The following ADGRL2 variants were observed in gnomAD, a reference collection of about 807,000 sequenced individuals.
The protein encoded by ADGRL2 is calcium-independent alpha-latrotoxin receptor 2.
In ADGRL2, 44 loss-of-function variants were observed where a neutral mutation model predicts 157.4. The ratio of observed to expected loss-of-function variants is 0.28; its 90% confidence interval spans 0.22 to 0.36. The LOEUF (loss-of-function observed/expected upper bound fraction) is 0.36, where lower values mean the gene tolerates loss of function less well. Ranked by LOEUF, ADGRL2 falls within the 10% of genes least tolerant of loss-of-function variation. The probability of loss-of-function intolerance (pLI) is 1.00; values close to 1 mark genes in which losing one functional copy is unlikely to be tolerated. For missense variants in ADGRL2, 1,510 were observed against 1,768.9 expected (o/e 0.85, Z 2.63); for synonymous variants, 585 against 624.7 (o/e 0.94, Z 0.95).
At chr1:81,898,088 A>C (rs1362731938) in intron 2 of ADGRL2, among the ~76,000 whole-genome samples, 3 of 152,132 alleles carry the variant, frequency 2.0e-5, no homozygotes, top group Non-Finnish European at 2.9e-5. Context: ...CCAGCTGGAC[A>C]ACAGAGTGAG....
intron 2 of ADGRL2, among the ~76,000 whole-genome samples, chr1:81,504,568 T>G (rs1338130946): frequency 6.6e-6 from 1 of 151,750 alleles, no homozygotes; most frequent in Non-Finnish European, 1.5e-5. Context: ...AGCAAGTGAT[T>G]GGGTACCCCG....
At chr1:81,982,512 T>G (rs1661960256) in intron 19 of ADGRL2, among the ~76,000 whole-genome samples, 1 of 151,946 alleles carries the variant, frequency 6.6e-6, no homozygotes, top group South Asian at 2.1e-4. Flanking sequence ...ATGAAAAGCT[T>G]TAATCTGTAG....
At chr1:81,846,691 C>G (rs981026094) in intron 2 of ADGRL2, among the ~76,000 whole-genome samples, 1 of 151,836 alleles carries the variant, frequency 6.6e-6, no homozygotes, top group Non-Finnish European at 1.5e-5. Flanking sequence ...TTTTCCCTTA[C>G]TGATTCTTCT....
intron 2 of ADGRL2, among the ~76,000 whole-genome samples, chr1:81,792,153 C>T (rs1312366465): frequency 1.3e-5 from 2 of 152,134 alleles, no homozygotes; most frequent in Non-Finnish European, 2.9e-5. Context: ...GAATAACTGC[C>T]TTTATTATCC....
rs140090986 is a variant in ADGRL2 at position 81,351,875 on chromosome 1, G to A, written c.-302+45366G>A. Among the ~76,000 whole-genome samples, 126 of 152,298 alleles carry A rather than the reference G, an allele frequency of 8.3e-4. 2 individuals carry two copies. In the East Asian group the frequency reaches 0.01, roughly 12 times the overall value. ...AAGTCAGTTTAAAAAGATTAAGAGC[G>A]GCTCCCTTGTTCTAAAATTATACAA... On this transcript the variant is annotated intron_variant, in intron 1 of 24. Coordinates refer to the ADGRL2 transcript ENST00000370721.
chr1:81,317,626 A>C (rs12064030), intron 1 of ADGRL2, among the ~76,000 whole-genome samples: 67,600 of 152,006 alleles, frequency 0.44, 15,415 homozygotes, highest in Middle Eastern at 0.55. Flanking sequence ...CAGTATAGTA[A>C]AGAGTGTTAG....
At chr1:81,314,848 T>C (rs1659999225) in intron 1 of ADGRL2, among the ~76,000 whole-genome samples, 1 of 152,164 alleles carries the variant, frequency 6.6e-6, no homozygotes, top group Non-Finnish European at 1.5e-5. Context: ...TTGTCTGACT[T>C]TATAACATTG....
intron 20 of ADGRL2, 34 bp downstream of exon 20, chr1:81,984,745 C>G: frequency 6.2e-7 from 1 of 1,607,366 alleles, no homozygotes; most frequent in South Asian, 1.1e-5. Context: ...TTTAATTAAC[C>G]TTATTTATAG....
At chr1:81,624,248 T>C (rs1490950954) in intron 3 of ADGRL2, among the ~76,000 whole-genome samples, 1 of 152,154 alleles carries the variant, frequency 6.6e-6, no homozygotes, top group African/African-American at 2.4e-5. Context: ...GAAACTTAGG[T>C]TGGTGCAAAA....
chr1:81,989,788 C>G lies in ADGRL2; in HGVS notation c.3656-603C>G, dbSNP rs3790869. On this transcript the variant is annotated intron_variant, in intron 23 of 23. Transcript: ENST00000686636. ...CTGGTCCAGTCAGTATGAGAGATGG[C>G]TGTCTTTGTTTAACATGACTTCTTT... The G allele has an allele frequency of 4.7e-3, 7,250 of 1,535,346 alleles. 77 individuals carry two copies. The East Asian group carries it at 0.048, about 10-fold the overall frequency.
chr1:81,896,766 T>C (rs2094397111), intron 2 of ADGRL2, among the ~76,000 whole-genome samples: 1 of 152,196 alleles, frequency 6.6e-6, no homozygotes, highest in Non-Finnish European at 1.5e-5. Flanking sequence ...GTTGAAAAGC[T>C]CAGAGTCCAG....
rs188342987 is a variant in ADGRL2, at chr1:81,502,563, G to C, written c.-248+57474G>C. 2,469 of 1,614,078 alleles carry C rather than the reference G, an allele frequency of 1.5e-3. 4 individuals are homozygous for C. The highest frequency in any genetic ancestry group is 1.6e-3 in the Non-Finnish European group (1,914 of 1,179,998). The stretch of plus-strand genomic sequence containing the variant: ...TATAAGCTGGTGACCGAGAAGGGGG[G>C]CCTGGTGGAGATCATCAACAAGAAG... On this transcript the variant is annotated intron_variant, in intron 2 of 24. Coordinates refer to the ADGRL2 transcript ENST00000370721.
intron 2 of ADGRL2, among the ~76,000 whole-genome samples, chr1:81,866,684 A>T (rs2150915970): frequency 6.6e-6 from 1 of 152,264 alleles, no homozygotes; most frequent in Non-Finnish European, 1.5e-5. Context: ...GAAAATTCTT[A>T]TTGAAATGGT....
chr1:81,550,723 G>A (rs1348484922), intron 2 of ADGRL2, among the ~76,000 whole-genome samples: 2 of 151,704 alleles, frequency 1.3e-5, no homozygotes, highest in African/African-American at 4.8e-5. Context: ...CTGGGTAAAG[G>A]TATCATTTCC....
In ADGRL2 at chr1:81,934,041, C is replaced by T. The variant is rs374941612; in HGVS notation, c.288-2687C>T. 3.6e-4 allele frequency among the ~76,000 whole-genome samples: 55 copies of T among 152,022 alleles called. 1 individual carries two copies. The East Asian group carries it at 0.01, about 28-fold the overall frequency. ...TTTATATTTTGGGAGGCCCTGAATTCTAGAATTTTTTATAATTTTATTGCA... is the reference window on the plus strand; with the variant it reads ...TTTATATTTTGGGAGGCCCTGAATTTTAGAATTTTTTATAATTTTATTGCA... On this transcript the variant is annotated intron_variant, in intron 3 of 23. Transcript: ENST00000686636.
chr1:81,982,885 A>G (rs927615189), intron 19 of ADGRL2, among the ~76,000 whole-genome samples: 3 of 151,988 alleles, frequency 2.0e-5, no homozygotes, highest in Non-Finnish European at 2.9e-5. Flanking sequence ...TTTGATTGCC[A>G]TTGTCTTGGT....
chr1:81,522,352 G>GA (rs1275098592), intron 2 of ADGRL2, among the ~76,000 whole-genome samples: 1 of 152,092 alleles, frequency 6.6e-6, no homozygotes, highest in African/African-American at 2.4e-5. Context: ...GAAAAAAAGG[G>GA]AAAAAAGAAT....
At chr1:81,976,428 C>G (rs919108872) in intron 17 of ADGRL2, among the ~76,000 whole-genome samples, 10 of 151,860 alleles carry the variant, frequency 6.6e-5, no homozygotes, top group African/African-American at 2.4e-4. Context: ...GATATTAGTG[C>G]ATTAGCTAAA....
intron 3 of ADGRL2, among the ~76,000 whole-genome samples, chr1:81,672,576 T>C: frequency 6.6e-6 from 1 of 152,228 alleles, no homozygotes; most frequent in East Asian, 1.9e-4. Flanking sequence ...AAAGCAGTTT[T>C]GAAAGCTGTC....
Sources: allele counts gnomAD v4.1 joint callset (sites outside exome capture counted in the v4.1 genomes callset), GRCh38; gene constraint gnomAD v4.1.1; transcripts MANE v1.5; gene names NCBI Gene and HGNC (gene_info 2026-07-23, HGNC 2026-07-21).